CDH19: variants seen among roughly 807,000 people sequenced by gnomAD.
The protein encoded by CDH19 is cadherin-19.
A neutral mutation model predicts 64.2 loss-of-function variants in CDH19; 67 were observed. That is an observed-to-expected ratio of 1.04 (90% CI 0.86 to 1.28). CDH19 has a LOEUF of 1.28. Among genes scored for constraint, CDH19 ranks in the 50% most tolerant of loss-of-function variants. The pLI, the probability that CDH19 is intolerant of heterozygous loss-of-function variation, is 0.00. For missense variants in CDH19, 1,030 were observed against 929.0 expected, an observed-to-expected ratio of 1.11 and a Z score of -1.41; for synonymous variants, 346 against 319.3, an observed-to-expected ratio of 1.08 and a Z score of -0.89.
chr18:66,557,999 CT>C (rs1987582287), intron 3 of CDH19, among the ~76,000 whole-genome samples: 1 of 151,698 alleles, frequency 6.6e-6, no homozygotes, highest in Non-Finnish European at 1.5e-5. Context: ...GTCTGAACTA[CT>C]GTAGTTTTGT....
At chr18:66,546,474 A>C (rs1224579942) in intron 5 of CDH19, among the ~76,000 whole-genome samples, 1 of 152,196 alleles carries the variant, frequency 6.6e-6, no homozygotes, top group Non-Finnish European at 1.5e-5. Flanking sequence ...CTTCAAAATG[A>C]AAAAGAACTG....
intron 4 of CDH19, among the ~76,000 whole-genome samples, chr18:66,554,183 T>C (rs1317331623): frequency 1.3e-5 from 2 of 152,006 alleles, no homozygotes; most frequent in Admixed American, 1.3e-4. Flanking sequence ...ACATATGATT[T>C]AAACCACATA....
intron 9 of CDH19, among the ~76,000 whole-genome samples, chr18:66,520,406 A>G (rs1030531979): frequency 2.9e-4 from 44 of 151,110 alleles, no homozygotes; most frequent in African/African-American, 1.0e-3. Flanking sequence ...AAAATATACA[A>G]ATAAATCCAT....
intron 3 of CDH19, among the ~76,000 whole-genome samples, chr18:66,555,230 C>A (rs1305801956): frequency 1.3e-5 from 2 of 151,704 alleles, no homozygotes; most frequent in African/African-American, 4.8e-5. Context: ...TTCAAAGTAT[C>A]TTTCTGTAAA....
At chr18:66,540,454 A>G (rs777508067) in intron 7 of CDH19, among the ~76,000 whole-genome samples, 2 of 152,176 alleles carry the variant, frequency 1.3e-5, no homozygotes, top group African/African-American at 2.4e-5. Flanking sequence ...ACAGACAGCT[A>G]TTAAAAATTA....
chr18:66,505,530 T>G (rs893949816), intron 11 of CDH19, among the ~76,000 whole-genome samples: 5 of 147,124 alleles, frequency 3.4e-5, no homozygotes, highest in Admixed American at 2.7e-4. Flanking sequence ...CATAAAAATA[T>G]AGTGAACTAT....
chr18:66,603,042 G>A (rs945539352), intron 1 of CDH19, among the ~76,000 whole-genome samples: 1 of 150,818 alleles, frequency 6.6e-6, no homozygotes, highest in African/African-American at 2.4e-5. Context: ...TCTAAATAAT[G>A]TCTTTCTTAC....
intron 2 of CDH19, among the ~76,000 whole-genome samples, chr18:66,570,789 G>C (rs1014637161): frequency 6.6e-6 from 1 of 151,638 alleles, no homozygotes; most frequent in African/African-American, 2.4e-5. Context: ...GTGGGGAGTA[G>C]AAACAAACAA....
Position 66,504,717 on chromosome 18 carries a change from T to G in CDH19, c.*95A>C. 1 of 1,321,454 alleles carries G rather than the reference T, an allele frequency of 7.6e-7. No individual in the cohort carries two copies. The highest frequency in any genetic ancestry group is 1.0e-6 in the Non-Finnish European group (1 of 969,690). The allele number at this position is 1,321,454 out of a possible 1,614,324, so 81.9% of individuals were successfully genotyped here. A position where few individuals can be genotyped will look rare whatever the true frequency, so the allele number is the denominator to read the frequency against. ...TCAGAAAACTCCATAGACTAGGGCT[T>G]TCCCCGCCATAGAGCCAGGGCACAA... On this transcript the variant is annotated 3_prime_UTR_variant, in exon 12 of 12. Coordinates refer to ENST00000262150, the MANE Select transcript of CDH19 (RefSeq NM_021153.4).
In CDH19 at chr18:66,528,025, T is replaced by C. The variant is rs908019733; in HGVS notation, c.1458+1820A>G. On this transcript the variant is annotated intron_variant, in intron 9 of 11. Transcript: ENST00000262150. ...TTTATTTATAATAATTCTAGAAATATGTTACATCTAATATGTAAATTTGAT... is the reference window on the plus strand; with the variant it reads ...TTTATTTATAATAATTCTAGAAATACGTTACATCTAATATGTAAATTTGAT... 5.3e-5 allele frequency among the ~76,000 whole-genome samples: 8 copies of C among 151,654 alleles called. No homozygotes were observed. The East Asian group carries it at 1.4e-3, about 26-fold the overall frequency.
At chr18:66,600,513 TG>T (rs1404726584) in intron 1 of CDH19, among the ~76,000 whole-genome samples, 4 of 151,902 alleles carry the variant, frequency 2.6e-5, no homozygotes, top group Non-Finnish European at 5.9e-5. Flanking sequence ...TTTTAAACAC[TG>T]GTTTAAAAAT....
At chr18:66,581,677 G>C (rs1988424758) in intron 1 of CDH19, among the ~76,000 whole-genome samples, 1 of 151,960 alleles carries the variant, frequency 6.6e-6, no homozygotes, top group Non-Finnish European at 1.5e-5. Context: ...TGGTTTGCTG[G>C]GGGCCTCTCA....
chr18:66,590,451 A>G (rs1234530216), intron 1 of CDH19, among the ~76,000 whole-genome samples: 2 of 149,662 alleles, frequency 1.3e-5, no homozygotes, highest in Admixed American at 1.3e-4. Flanking sequence ...TAAGACAAAG[A>G]ATTTTGCTTT....
chr18:66,531,324 T>C (rs540795039), intron 8 of CDH19, among the ~76,000 whole-genome samples: 121 of 152,230 alleles, frequency 7.9e-4, no homozygotes, highest in African/African-American at 2.8e-3. Context: ...TATTAAAAAT[T>C]TGTGAGTCTG....
chr18:66,554,404 C>G lies in CDH19; in HGVS notation c.610+1G>C. On this transcript the variant is annotated splice_donor_variant, in intron 4 of 11. Transcript: ENST00000262150. LOFTEE classifies it high-confidence loss of function. ...ACTTTGCTTGTTTCATTCACAAATA[C>G]CTGTTGTTGGTTCAACAGAAAAATA... 1 of 1,610,550 alleles carries G rather than the reference C, an allele frequency of 6.2e-7. No homozygotes were observed. Among genetic ancestry groups the G allele is most frequent in the Non-Finnish European group, 8.5e-7 (1 of 1,177,950 alleles).
At position 66,601,910 on chromosome 18, in the gene CDH19, G is replaced by C. The variant is rs1257619620; in HGVS notation, c.-113+2044C>G. On this transcript the variant is annotated intron_variant, in intron 1 of 11. Coordinates refer to ENST00000262150, the MANE Select transcript of CDH19 (RefSeq NM_021153.4). ...ACATCTTTCTAGTCACTTTTGCAAA[G>C]ACACTCATTTTGTCAATCAGGGGCT... is the stretch of plus-strand genomic sequence containing the variant. Among the ~76,000 whole-genome samples the C allele has an allele frequency of 2.0e-5, 3 of 151,952 alleles. No individual in the cohort carries two copies. The South Asian group carries it at 6.2e-4, about 31-fold the overall frequency.
chr18:66,536,605 TAAAC>T (rs1354759227), intron 7 of CDH19, among the ~76,000 whole-genome samples: 1 of 151,818 alleles, frequency 6.6e-6, no homozygotes, highest in Non-Finnish European at 1.5e-5. Flanking sequence ...AAGAGCCACA[TAAAC>T]AATAAATTGG....
chr18:66,581,870 T>C (rs1371161021), intron 1 of CDH19, among the ~76,000 whole-genome samples: 3 of 152,132 alleles, frequency 2.0e-5, no homozygotes, highest in Non-Finnish European at 2.9e-5. Flanking sequence ...TATATCATAT[T>C]AGCATTGCAC....
chr18:66,594,698 C>T (rs1335058996), intron 1 of CDH19, among the ~76,000 whole-genome samples: 2 of 151,532 alleles, frequency 1.3e-5, no homozygotes, highest in East Asian at 3.9e-4. Flanking sequence ...AGTTCATGTC[C>T]TTTGTAGGGA....
Sources: allele counts gnomAD v4.1 joint callset (sites outside exome capture counted in the v4.1 genomes callset), GRCh38; gene constraint gnomAD v4.1.1; transcripts MANE v1.5; gene names NCBI Gene and HGNC (gene_info 2026-07-23, HGNC 2026-07-21).